The following SETD6 variants were observed in gnomAD, a reference collection of about 807,000 sequenced individuals.
SETD6 encodes the protein SET domain containing 6, protein lysine methyltransferase.
A neutral mutation model predicts 52.7 loss-of-function variants in SETD6; 67 were observed. The ratio of observed to expected loss-of-function variants is 1.27; its 90% confidence interval spans 1.04 to 1.56. The LOEUF is 1.56. Ranked by LOEUF, SETD6 falls within the 40% of genes most tolerant of loss-of-function variation. The pLI, the probability that SETD6 is intolerant of heterozygous loss-of-function variation, is 0.00. For synonymous variants in SETD6, 307 were observed against 250.2 expected (o/e 1.23, Z -2.14); for missense variants, 712 against 607.5 (o/e 1.17, Z -1.81).
Position 58,523,325 on chromosome 16 carries a change from G to A in SETD6, c.*4296G>A. On this transcript the variant is annotated 3_prime_UTR_variant, in exon 8 of 8. Coordinates refer to ENST00000219315, the MANE Select transcript of SETD6 (RefSeq NM_001160305.4). ...AAGAGGAAAAAAAAAAGATGAAAGG[G>A]AGGAGATCCTTTTGAAGCATTTAAA... 2 of 1,534,456 alleles carry A rather than the reference G, an allele frequency of 1.3e-6. No individual in the cohort carries two copies. Among genetic ancestry groups the A allele is most frequent in the Admixed American group, 2.1e-5 (1 of 48,642 alleles).
Position 58,521,381 on chromosome 16 carries a change from ATTAC to A in SETD6, c.*2355_*2358del. 3.3e-6 allele frequency: 5 copies of A among 1,515,002 alleles called. No individual in the cohort carries two copies. In the South Asian group the frequency reaches 3.8e-5, roughly 11 times the overall value. 93.8% of individuals were successfully genotyped at this position (1,515,002 alleles called of 1,614,324 possible). A position where few individuals can be genotyped will look rare whatever the true frequency, so the allele number is the denominator to read the frequency against. ...CATACAAATTCATGATTATTCTTCC[ATTAC>A]TTTTTTTCTAACTTCTCCCTGACTA... On this transcript the variant is annotated 3_prime_UTR_variant, in exon 8 of 8. Transcript: ENST00000219315.
At chr16:58,515,514 C>T (rs756733636), upstream of SETD6, 4 of 1,577,964 alleles carry the variant, frequency 2.5e-6, no homozygotes, top group African/African-American at 2.7e-5. Context: ...TGCGCCGGCC[C>T]GCGAGGAAAC....
Position 58,515,565 on chromosome 16 carries a change from G to A in SETD6, c.27+1G>A. 1.3e-6 allele frequency: 2 copies of A among 1,580,616 alleles called. No individual in the cohort carries two copies. Among genetic ancestry groups the A allele is most frequent in the South Asian group, 1.1e-5 (1 of 87,252 alleles). ...GGCGACCCAGGCGAAGCGTCCACGGGTGAGTGGCGGGCGCGGGGTCCAGCC... is the reference window on the plus strand; with the variant it reads ...GGCGACCCAGGCGAAGCGTCCACGGATGAGTGGCGGGCGCGGGGTCCAGCC... On this transcript the variant is annotated splice_donor_variant, in intron 1 of 7. Transcript: ENST00000219315. LOFTEE classifies it high-confidence loss of function.
chr16:58,519,066 C>A lies in SETD6; in HGVS notation c.*37C>A. The A allele has an allele frequency of 6.4e-7, 1 of 1,556,664 alleles. No homozygotes were observed. On this transcript the variant is annotated 3_prime_UTR_variant, in exon 8 of 8. Transcript: ENST00000219315. Reference sequence around the variant, plus strand: ...TTCCCTGAAGGAACAGCAATAAGAACTTTATTCTAAGCTAATACTCATTGA... The same window carrying A: ...TTCCCTGAAGGAACAGCAATAAGAAATTTATTCTAAGCTAATACTCATTGA...
Position 58,521,402 on chromosome 16 carries a change from C to T in SETD6, c.*2373C>T. On this transcript the variant is annotated 3_prime_UTR_variant, in exon 8 of 8. Transcript: ENST00000219315. ...TTCCATTACTTTTTTTCTAACTTCT[C>T]CCTGACTATTGAACCACATGCAAAA... The T allele has an allele frequency of 7.2e-7, 1 of 1,392,312 alleles. No homozygotes were observed. Among genetic ancestry groups the T allele is most frequent in the South Asian group, 1.4e-5 (1 of 73,204 alleles). 86.2% of individuals were successfully genotyped at this position (1,392,312 alleles called of 1,614,324 possible). A position where few individuals can be genotyped will look rare whatever the true frequency, so the allele number is the denominator to read the frequency against.
chr16:58,517,444 A>C, intron 5 of SETD6: 1 of 174,922 alleles, frequency 5.7e-6, no homozygotes, highest in Non-Finnish European at 1.2e-5. Context: ...CCTTGCCTCC[A>C]TTTTCCTTTC....
At position 58,516,600 on chromosome 16, in the gene SETD6, C is replaced by G. The variant is rs141019931; in HGVS notation, c.599C>G (p.Pro200Arg). The change falls in exon 4 of 8, where the codon CCC (proline) becomes CGC (arginine). Residue 200 changes from proline (P) to arginine (R), a missense_variant. Coordinates refer to ENST00000219315, the MANE Select transcript of SETD6 (RefSeq NM_001160305.4). ...SIVLPFMEAHPDLFSLRVRSL... is the reference protein window; with the variant it reads ...SIVLPFMEAHRDLFSLRVRSL... ...GTGCTGCCCTTCATGGAAGCCCACC[C>G]CGATCTCTTCAGCCTCAGGGTTCGC... The G allele has an allele frequency of 3.3e-5, 53 of 1,614,158 alleles. 1 individual carries two copies. The East Asian group carries it at 1.2e-3, about 36-fold the overall frequency.
At chr16:58,518,371 G>C in intron 6 of SETD6, 30 bp from the exon 7 acceptor site, 1 of 1,582,676 alleles carries the variant, frequency 6.3e-7, no homozygotes, top group South Asian at 1.2e-5. Flanking sequence ...TGGGTGTACT[G>C]AGACTTTCAC....
In SETD6 at chr16:58,522,570, G is replaced by T. The variant is rs1046940331; in HGVS notation, c.*3541G>T. Among the ~76,000 whole-genome samples the T allele has an allele frequency of 3.9e-5, 6 of 152,124 alleles. No homozygotes were observed. The highest frequency in any genetic ancestry group is 8.8e-5 in the Non-Finnish European group (6 of 68,012). Reference sequence around the variant, plus strand: ...CAATTTTTAAAGTGTGTGTGTGTGTGTATCACAATCTCTCTAATGCTATAT... The same window carrying T: ...CAATTTTTAAAGTGTGTGTGTGTGTTTATCACAATCTCTCTAATGCTATAT... On this transcript the variant is annotated 3_prime_UTR_variant, in exon 8 of 8. Coordinates refer to ENST00000219315, the MANE Select transcript of SETD6 (RefSeq NM_001160305.4).
At position 58,518,178 on chromosome 16, in the gene SETD6, CAG is replaced by C. The variant is rs1472502363; in HGVS notation, c.922_923del (p.Asp308Ter). ...TTTGTTGAACCATATCCTGACAACA[CAG>C]ATGACACAGCTGACATTCAGATGGT... On this transcript the variant is annotated frameshift_variant, in exon 6 of 8. Coordinates refer to ENST00000219315, the MANE Select transcript of SETD6 (RefSeq NM_001160305.4). LOFTEE classifies it high-confidence loss of function. The C allele has an allele frequency of 1.2e-6, 2 of 1,614,122 alleles. No individual in the cohort carries two copies. Among genetic ancestry groups the C allele is most frequent in the African/African-American group, 1.3e-5 (1 of 74,942 alleles).
intron 5 of SETD6, chr16:58,517,557 G>T (rs1472259071): frequency 2.2e-5 from 4 of 182,508 alleles, no homozygotes; most frequent in Non-Finnish European, 4.7e-5. Flanking sequence ...CACTGCAACT[G>T]CCGCCTCCTG....
chr16:58,521,008 T>G lies in SETD6; in HGVS notation c.*1979T>G. ...ACTTGCTGGGCCTGCTTCTGTCCCA[T>G]GCAGCACTGTGCGACCGACTGGAAT... On this transcript the variant is annotated 3_prime_UTR_variant, in exon 8 of 8. Transcript: ENST00000219315. 6.2e-7 allele frequency: 1 copy of G among 1,614,078 alleles called. No individual in the cohort carries two copies. Among genetic ancestry groups the G allele is most frequent in the Non-Finnish European group, 8.5e-7 (1 of 1,180,030 alleles).
In SETD6 at chr16:58,523,357, G is replaced by A; in HGVS notation, c.*4328G>A. On this transcript the variant is annotated 3_prime_UTR_variant, in exon 8 of 8. Transcript: ENST00000219315. ...TCCTTTTGAAGCATTTAAAAAATAA[G>A]CTGCTCGCTTACCTTGTGATCTGTT... 1 of 1,561,092 alleles carries A rather than the reference G, an allele frequency of 6.4e-7. No individual in the cohort carries two copies. Among genetic ancestry groups the A allele is most frequent in the Non-Finnish European group, 8.7e-7 (1 of 1,154,004 alleles).
At chr16:58,516,719 C>G (rs372242688) in intron 4 of SETD6, 47 bp downstream of exon 4, 4 of 1,609,640 alleles carry the variant, frequency 2.5e-6, no homozygotes, top group Non-Finnish European at 2.5e-6. Context: ...CTTTACAACT[C>G]TATAGAGGGA....
chr16:58,520,631 GGTACCAGTTTAT>G lies in SETD6; in HGVS notation c.*1607_*1618del. On this transcript the variant is annotated 3_prime_UTR_variant, in exon 8 of 8. Transcript: ENST00000219315. ...GGCATCAGCTGCCTCTTCATTACAAGGTACCAGTTTATGTACTTGCCTTGGACACAGCTTGCA... is the reference window on the plus strand; with the variant it reads ...GGCATCAGCTGCCTCTTCATTACAAGGTACTTGCCTTGGACACAGCTTGCA... 6.6e-6 allele frequency: 2 copies of G among 300,804 alleles called. No homozygotes were observed. The highest frequency in any genetic ancestry group is 1.3e-5 in the Non-Finnish European group (2 of 157,740). The allele number at this position is 300,804 out of a possible 1,614,324, so 18.6% of individuals were successfully genotyped here. A position where few individuals can be genotyped will look rare whatever the true frequency, so the allele number is the denominator to read the frequency against.
In SETD6 at chr16:58,520,991, G is replaced by C; in HGVS notation, c.*1962G>C. On this transcript the variant is annotated 3_prime_UTR_variant, in exon 8 of 8. Transcript: ENST00000219315. ...CACCTGTCCCTTCCATTACTTGCTGGGCCTGCTTCTGTCCCATGCAGCACT... is the reference window on the plus strand; with the variant it reads ...CACCTGTCCCTTCCATTACTTGCTGCGCCTGCTTCTGTCCCATGCAGCACT... 1 of 1,613,884 alleles carries C rather than the reference G, an allele frequency of 6.2e-7. No individual in the cohort carries two copies. The highest frequency in any genetic ancestry group is 8.5e-7 in the Non-Finnish European group (1 of 1,180,024).
chr16:58,521,190 T>C lies in SETD6; in HGVS notation c.*2161T>C. On this transcript the variant is annotated 3_prime_UTR_variant, in exon 8 of 8. Transcript: ENST00000219315. Reference sequence around the variant, plus strand: ...AAATTACTTTGAACTCACTTTTCGATTTCTGGGGCACAGTGTACAAATTCA... The same window carrying C: ...AAATTACTTTGAACTCACTTTTCGACTTCTGGGGCACAGTGTACAAATTCA... 2 of 1,613,364 alleles carry C rather than the reference T, an allele frequency of 1.2e-6. No homozygotes were observed.
Position 58,522,237 on chromosome 16 carries a change from CAAAAAAAAAAAAAAAAAAAA to C in SETD6, c.*3219_*3238del, listed in dbSNP as rs56149974. Among the ~76,000 whole-genome samples, 13 of 98,596 alleles carry C rather than the reference CAAAAAAAAAAAAAAAAAAAA, an allele frequency of 1.3e-4. No individual in the cohort carries two copies. Among genetic ancestry groups the C allele is most frequent in the Admixed American group, 1.2e-3 (12 of 9,750 alleles). 64.7% of individuals were successfully genotyped at this position (98,596 alleles called of 152,430 possible). On this transcript the variant is annotated 3_prime_UTR_variant, in exon 8 of 8. Coordinates refer to ENST00000219315, the MANE Select transcript of SETD6 (RefSeq NM_001160305.4). ...AGGAGGCGACAAAGCGAGACTGTCT[CAAAAAAAAAAAAAAAAAAAA>C]AAAAAAAAAAGCTAACATTGCTAGT...
chr16:58,517,103 CAAAGT>C, intron 5 of SETD6, 175 bp downstream of exon 5: 1 of 925,026 alleles, frequency 1.1e-6, no homozygotes, highest in East Asian at 2.6e-5. Flanking sequence ...TTAAAGTCCT[CAAAGT>C]AAGTTGTGGT....
Sources: gnomAD v4.1 joint callset for allele counts (sites outside exome capture counted in the v4.1 genomes callset) on GRCh38, gnomAD v4.1.1 for gene constraint, MANE v1.5 for transcripts, NCBI Gene and HGNC (gene_info 2026-07-23, HGNC 2026-07-21) for gene names.